MYO1D: variants seen among roughly 807,000 people sequenced by gnomAD.
MYO1D encodes unconventional myosin-Id.
MYO1D carries 83 observed loss-of-function variants against 122.0 expected under a neutral mutation model. The ratio of observed to expected loss-of-function variants is 0.68; its 90% confidence interval spans 0.57 to 0.82. The LOEUF (loss-of-function observed/expected upper bound fraction) is 0.82. Among genes scored for constraint, MYO1D ranks in the 40% least tolerant of loss-of-function variants. The pLI is 0.00. For synonymous variants in MYO1D, 464 were observed against 446.9 expected (o/e 1.04, Z -0.48); for missense variants, 1,157 against 1,269.5 (o/e 0.91, Z 1.35).
chr17:32,502,620 C>T (rs1344373254), intron 21 of MYO1D, among the ~76,000 whole-genome samples: 2 of 152,100 alleles, frequency 1.3e-5, no homozygotes, highest in Non-Finnish European at 1.5e-5. Context: ...GCCTTCAAAC[C>T]ATGTTTTCTC....
chr17:32,840,072 A>G (rs1258351414), intron 1 of MYO1D, among the ~76,000 whole-genome samples: 1 of 152,166 alleles, frequency 6.6e-6, no homozygotes, highest in East Asian at 1.9e-4. Flanking sequence ...CATTCAGGAG[A>G]TGTTTACCCC....
chr17:32,498,623 G>A (rs529461698), intron 21 of MYO1D: 2 of 152,192 alleles, frequency 1.3e-5, no homozygotes, highest in South Asian at 2.1e-4. Flanking sequence ...TGGAATTTAC[G>A]GTCTAAGGAG....
At chr17:32,833,599 C>G (rs1046142039) in intron 1 of MYO1D, among the ~76,000 whole-genome samples, 1 of 152,196 alleles carries the variant, frequency 6.6e-6, no homozygotes, top group Non-Finnish European at 1.5e-5. Context: ...GGAAAAATGT[C>G]AAGTCTTTCT....
chr17:32,859,262 A>G (rs2151086284), intron 1 of MYO1D, among the ~76,000 whole-genome samples: 1 of 152,194 alleles, frequency 6.6e-6, no homozygotes, highest in Non-Finnish European at 1.5e-5. Flanking sequence ...CCATATTTGG[A>G]GCTCTCTTTT....
chr17:32,496,901 C>G (rs913721933), intron 21 of MYO1D: 2 of 152,330 alleles, frequency 1.3e-5, no homozygotes, highest in African/African-American at 2.4e-5. Context: ...CCACGCTCCA[C>G]GTCAGCTCAA....
chr17:32,682,382 G>A (rs1217776566), intron 16 of MYO1D, among the ~76,000 whole-genome samples: 11 of 147,618 alleles, frequency 7.5e-5, no homozygotes, highest in Admixed American at 6.0e-4. Context: ...TTTTGCAGCG[G>A]CTGGTACCGG....
chr17:32,699,614 G>A (rs1401815994), intron 16 of MYO1D, among the ~76,000 whole-genome samples: 1 of 152,126 alleles, frequency 6.6e-6, no homozygotes, highest in Non-Finnish European at 1.5e-5. Context: ...TATCTATAAA[G>A]TCCTTATCTG....
intron 1 of MYO1D, among the ~76,000 whole-genome samples, chr17:32,866,800 G>A (rs1023327171): frequency 6.6e-6 from 1 of 152,182 alleles, no homozygotes; most frequent in Non-Finnish European, 1.5e-5. Flanking sequence ...AGTGGAGAGA[G>A]AAGAAAAGAA....
intron 21 of MYO1D, among the ~76,000 whole-genome samples, chr17:32,534,197 C>T (rs1264266629): frequency 6.6e-6 from 1 of 152,132 alleles, no homozygotes; most frequent in Non-Finnish European, 1.5e-5. Flanking sequence ...GATGGGGTCT[C>T]TCTCTGTCAC....
At chr17:32,777,359 T>C (rs1412000842) in intron 3 of MYO1D, among the ~76,000 whole-genome samples, 1 of 152,174 alleles carries the variant, frequency 6.6e-6, no homozygotes, top group African/African-American at 2.4e-5. Flanking sequence ...TTCCTATTTA[T>C]AAAACTGAAG....
chr17:32,673,195 C>T (rs756055198), intron 16 of MYO1D, among the ~76,000 whole-genome samples: 1 of 137,152 alleles, frequency 7.3e-6, no homozygotes, highest in Non-Finnish European at 1.5e-5. Context: ...CCTCCACATC[C>T]CAGGTTCAAG....
chr17:32,524,513 C>T (rs896310439), intron 21 of MYO1D, among the ~76,000 whole-genome samples: 1 of 151,966 alleles, frequency 6.6e-6, no homozygotes, highest in Non-Finnish European at 1.5e-5. Context: ...CTGTGTCAGC[C>T]TCCAGAGTAG....
intron 20 of MYO1D, among the ~76,000 whole-genome samples, chr17:32,626,721 C>T (rs1377706870): frequency 2.0e-5 from 3 of 152,102 alleles, no homozygotes; most frequent in African/African-American, 4.8e-5. Flanking sequence ...TAACAAAAGG[C>T]GTTTGCTTCT....
At chr17:32,517,176 C>T (rs951575870) in intron 21 of MYO1D, among the ~76,000 whole-genome samples, 3 of 152,188 alleles carry the variant, frequency 2.0e-5, no homozygotes, top group Non-Finnish European at 4.4e-5. Flanking sequence ...AAGTCAGACA[C>T]CCTGGGTAAT....
In MYO1D at chr17:32,493,244, GA is replaced by G. The variant is rs1908952642; in HGVS notation, c.*1514del. The G allele has an allele frequency of 6.6e-6, 1 of 152,290 alleles. No individual in the cohort carries two copies. The highest frequency in any genetic ancestry group is 2.4e-5 in the African/African-American group (1 of 41,466). 9.4% of individuals were successfully genotyped at this position (152,290 alleles called of 1,614,324 possible). ...GTTCCCAAGGACAGGATGCCAGCGG[GA>G]TTCTTTGTTGCAAACTGCACACAGT... is the stretch of plus-strand genomic sequence containing the variant. On this transcript the variant is annotated 3_prime_UTR_variant, in exon 22 of 22. Transcript: ENST00000318217.
intron 1 of MYO1D, among the ~76,000 whole-genome samples, chr17:32,816,248 T>C (rs527484725): frequency 2.6e-5 from 4 of 152,136 alleles, no homozygotes; most frequent in Admixed American, 2.0e-4. Context: ...AATCATATTA[T>C]TACAATCCAG....
intron 1 of MYO1D, among the ~76,000 whole-genome samples, chr17:32,815,356 G>C (rs934081951): frequency 1.3e-5 from 2 of 152,120 alleles, no homozygotes; most frequent in Admixed American, 6.5e-5. Flanking sequence ...TTTCAACCTG[G>C]ATTTTCCTTA....
In MYO1D at chr17:32,521,226, G is replaced by A. The variant is rs1365577043; in HGVS notation, c.2865-26311C>T. 2.6e-5 allele frequency among the ~76,000 whole-genome samples: 4 copies of A among 152,110 alleles called. No individual in the cohort carries two copies. In the South Asian group the frequency reaches 8.3e-4, roughly 31 times the overall value. On this transcript the variant is annotated intron_variant, in intron 21 of 21. Coordinates refer to ENST00000318217, the MANE Select transcript of MYO1D (RefSeq NM_015194.3). Reference sequence around the variant, plus strand: ...GCCAGATGGCCTGCCTCCCTCCGCTGCCTACTCCAGTATTCTTCCATCCTG... The same window carrying A: ...GCCAGATGGCCTGCCTCCCTCCGCTACCTACTCCAGTATTCTTCCATCCTG...
chr17:32,797,131 C>T (rs777267643), intron 1 of MYO1D, among the ~76,000 whole-genome samples: 3 of 152,172 alleles, frequency 2.0e-5, no homozygotes, highest in African/African-American at 4.8e-5. Flanking sequence ...CCACCACACT[C>T]GGCTAATTTT....
Sources: gnomAD v4.1 joint callset for allele counts (sites outside exome capture counted in the v4.1 genomes callset) on GRCh38, gnomAD v4.1.1 for gene constraint, MANE v1.5 for transcripts, NCBI Gene and HGNC (gene_info 2026-07-23, HGNC 2026-07-21) for gene names.